PIK3C2G: variants seen among roughly 807,000 people sequenced by gnomAD.
PIK3C2G encodes phosphatidylinositol 3-kinase C2 domain-containing subunit gamma.
A neutral mutation model predicts 181.1 loss-of-function variants in PIK3C2G; 168 were observed. The observed-to-expected ratio is 0.93, with a 90% CI of 0.82 to 1.05. PIK3C2G has a LOEUF of 1.05. Ranked by LOEUF, PIK3C2G falls within the 50% of genes least tolerant of loss-of-function variation. The pLI is 0.00. For synonymous variants in PIK3C2G, 573 were observed against 592.2 expected, an observed-to-expected ratio of 0.97 and a Z score of 0.47; for missense variants, 1,869 against 1,732.8, an observed-to-expected ratio of 1.08 and a Z score of -1.40.
chr12:18,299,766 C>A (rs941018473), intron 5 of PIK3C2G, among the ~76,000 whole-genome samples: 1 of 151,934 alleles, frequency 6.6e-6, no homozygotes, highest in Non-Finnish European at 1.5e-5. Context: ...TCATCAGATA[C>A]TTTTTCTGTA....
chr12:18,448,289 A>T (rs1376690602), intron 18 of PIK3C2G, among the ~76,000 whole-genome samples: 1 of 152,016 alleles, frequency 6.6e-6, no homozygotes, highest in Non-Finnish European at 1.5e-5. Context: ...GTTTGTTTTT[A>T]TTTTATATGT....
intron 9 of PIK3C2G, among the ~76,000 whole-genome samples, chr12:18,340,131 C>T (rs1048255424): frequency 1.3e-5 from 2 of 152,026 alleles, no homozygotes; most frequent in Admixed American, 1.3e-4. Context: ...CTAATTTGAT[C>T]ATATATAATA....
At chr12:18,624,014 A>G (rs1195068955) in intron 31 of PIK3C2G, among the ~76,000 whole-genome samples, 2 of 151,672 alleles carry the variant, frequency 1.3e-5, no homozygotes, top group African/African-American at 4.8e-5. Flanking sequence ...TCCAGTTTTG[A>G]TGACTTTTCT....
intron 16 of PIK3C2G, among the ~76,000 whole-genome samples, chr12:18,415,760 A>G (rs566873949): frequency 2.1e-4 from 32 of 152,338 alleles, no homozygotes; most frequent in African/African-American, 7.7e-4. Context: ...CTGATAAGAA[A>G]GTGAAACAGT....
At chr12:18,566,848 T>TGG (rs1945663932) in intron 28 of PIK3C2G, 101 bp from the exon 29 acceptor site, 5 of 704,816 alleles carry the variant, frequency 7.1e-6, no homozygotes, top group South Asian at 6.6e-5. Context: ...ATGTTTTCAT[T>TGG]GGCCCTTCCA....
chr12:18,568,272 A>G (rs924333496), intron 29 of PIK3C2G, among the ~76,000 whole-genome samples: 2 of 152,122 alleles, frequency 1.3e-5, no homozygotes, highest in East Asian at 1.9e-4. Flanking sequence ...GATGGATCTC[A>G]GCATTCTTGT....
chr12:18,723,487 T>G, the PIK3C2G span: 1 of 1,612,970 alleles, frequency 6.2e-7, no homozygotes, highest in Non-Finnish European at 8.5e-7. Context: ...GATAATTCGA[T>G]AAATTGCTCT....
intron 1 of PIK3C2G, among the ~76,000 whole-genome samples, chr12:18,269,406 C>A (rs927217730): frequency 3.3e-5 from 5 of 151,952 alleles, no homozygotes; most frequent in Admixed American, 3.3e-4. Flanking sequence ...TATGTAGTTT[C>A]TCTCCCCTCT....
At chr12:18,500,487 C>T (rs1257807713) in intron 22 of PIK3C2G, among the ~76,000 whole-genome samples, 1 of 152,198 alleles carries the variant, frequency 6.6e-6, no homozygotes, top group Non-Finnish European at 1.5e-5. Context: ...CCCTGCTCCA[C>T]GGCGCCCAGT....
intron 30 of PIK3C2G, among the ~76,000 whole-genome samples, chr12:18,595,358 T>G (rs757234588): frequency 1.3e-5 from 2 of 151,992 alleles, no homozygotes; most frequent in Non-Finnish European, 2.9e-5. Flanking sequence ...ATCATTCGAG[T>G]GTATTAAAGT....
chr12:18,341,703 AT>A (rs1939159304), intron 9 of PIK3C2G, among the ~76,000 whole-genome samples: 1 of 152,154 alleles, frequency 6.6e-6, no homozygotes. Flanking sequence ...ATTTTACAGA[AT>A]TTGTGCAGTA....
chr12:18,660,423 G>C, the PIK3C2G span, among the ~76,000 whole-genome samples: 1 of 152,150 alleles, frequency 6.6e-6, no homozygotes, highest in Non-Finnish European at 1.5e-5. Context: ...CAGCTGAAGT[G>C]AGATCCAGGG....
At chr12:18,665,132 A>G in the PIK3C2G span, among the ~76,000 whole-genome samples, 1 of 151,816 alleles carries the variant, frequency 6.6e-6, no homozygotes, top group Non-Finnish European at 1.5e-5. Context: ...CATTGTGCAC[A>G]TGTACCCTAA....
intron 24 of PIK3C2G, among the ~76,000 whole-genome samples, chr12:18,514,013 CTT>C (rs1942376226): frequency 1.3e-5 from 2 of 151,754 alleles, no homozygotes; most frequent in Admixed American, 1.3e-4. Context: ...CTTGGAACTG[CTT>C]TTGCTGCATG....
At chr12:18,422,620 T>C (rs12581163) in intron 17 of PIK3C2G, among the ~76,000 whole-genome samples, 22,555 of 151,802 alleles carry the variant, frequency 0.15, 2,145 homozygotes, top group East Asian at 0.39. Context: ...ACCAGAAAAA[T>C]TGTCTACATT....
intron 25 of PIK3C2G, among the ~76,000 whole-genome samples, chr12:18,539,525 T>G (rs550606726): frequency 6.6e-6 from 1 of 152,004 alleles, no homozygotes; most frequent in East Asian, 1.9e-4. Flanking sequence ...AAATTAATTT[T>G]TATTAAACAA....
At chr12:18,724,648 T>A in the PIK3C2G span, among the ~76,000 whole-genome samples, 2 of 152,106 alleles carry the variant, frequency 1.3e-5, no homozygotes, top group Non-Finnish European at 2.9e-5. Flanking sequence ...TCATGCGTAT[T>A]GTTCATTACC....
At chr12:18,661,489 G>A in the PIK3C2G span, among the ~76,000 whole-genome samples, 1 of 152,068 alleles carries the variant, frequency 6.6e-6, no homozygotes, top group Admixed American at 6.6e-5. Context: ...TGTCAACCAT[G>A]AATCCTGTAT....
At chr12:18,712,071 A>C in the PIK3C2G span, among the ~76,000 whole-genome samples, 1 of 152,194 alleles carries the variant, frequency 6.6e-6, no homozygotes, top group Non-Finnish European at 1.5e-5. Flanking sequence ...TTGTAAATTT[A>C]ATGTATTAGG....
Sources: allele counts gnomAD v4.1 joint callset (sites outside exome capture counted in the v4.1 genomes callset), GRCh38; gene constraint gnomAD v4.1.1; transcripts MANE v1.5; gene names NCBI Gene and HGNC (gene_info 2026-07-23, HGNC 2026-07-21).